RAD51C: variants seen among roughly 807,000 people sequenced by gnomAD.
RAD51C encodes the protein DNA repair protein RAD51 homolog 3.
RAD51C carries 42 observed loss-of-function variants against 45.0 expected under a neutral mutation model. That is an observed-to-expected ratio of 0.93 (90% CI 0.73 to 1.21). The LOEUF (loss-of-function observed/expected upper bound fraction) is 1.21, where lower values mean the gene tolerates loss of function less well. Ranked by LOEUF, RAD51C falls within the 50% of genes most tolerant of loss-of-function variation. RAD51C has a pLI of 0.00. For synonymous variants in RAD51C, 172 were observed against 159.8 expected (o/e 1.08, Z -0.58); for missense variants, 474 against 452.2 (o/e 1.05, Z -0.44).
chr17:58,695,910 T>TA, intron 2 of RAD51C, among the ~76,000 whole-genome samples: 1 of 148,848 alleles, frequency 6.7e-6, no homozygotes, highest in African/African-American at 2.5e-5. Flanking sequence ...CTACTAAAAA[T>TA]AAAAAAATTA....
chr17:58,699,920 G>T (rs1368097922), intron 3 of RAD51C: 1 of 152,084 alleles, frequency 6.6e-6, no homozygotes, highest in African/African-American at 2.4e-5. Context: ...CGCAATCTTG[G>T]CTTACTGCGA....
Position 58,692,806 on chromosome 17 carries a change from C to CT in RAD51C, c.145+18_145+19insT. On this transcript the variant is annotated intron_variant, in intron 1 of 8. Transcript: ENST00000337432. ...TAGCAAAGGTAACGACTCCTGATGG[C>CT]AAGCTGAGGCACACCGGCCGCCGTC... is the stretch of plus-strand genomic sequence containing the variant. The CT allele has an allele frequency of 1.2e-6, 2 of 1,614,120 alleles. No individual in the cohort carries two copies. Among genetic ancestry groups the CT allele is most frequent in the Non-Finnish European group, 1.7e-6 (2 of 1,180,002 alleles).
At chr17:58,711,748 A>G (rs962290481) in intron 5 of RAD51C, among the ~76,000 whole-genome samples, 2 of 152,058 alleles carry the variant, frequency 1.3e-5, no homozygotes, top group Admixed American at 1.3e-4. Flanking sequence ...CTAGGATTAC[A>G]TGCATAAGCC....
chr17:58,697,869 C>T (rs1442998138), intron 3 of RAD51C, among the ~76,000 whole-genome samples: 5 of 150,398 alleles, frequency 3.3e-5, no homozygotes, highest in Non-Finnish European at 7.4e-5. Flanking sequence ...TGTGCCACCA[C>T]GCCCAGTTAA....
At chr17:58,734,055 T>C in intron 8 of RAD51C, 63 bp from the exon 9 acceptor site, 1 of 1,553,310 alleles carries the variant, frequency 6.4e-7, no homozygotes, top group Non-Finnish European at 8.7e-7. Context: ...CTTAAAAATA[T>C]TTCTAAGATC....
intron 6 of RAD51C, among the ~76,000 whole-genome samples, chr17:58,722,365 C>A (rs528703939): frequency 6.6e-6 from 1 of 152,272 alleles, no homozygotes; most frequent in East Asian, 1.9e-4. Context: ...TAGAAGTGTT[C>A]TATGTCTGTG....
chr17:58,732,245 T>G (rs1208776059), intron 7 of RAD51C: 1 of 409,626 alleles, frequency 2.4e-6, no homozygotes, highest in African/African-American at 2.0e-5. Context: ...TAAAATAATT[T>G]ATTTGAATCA....
chr17:58,701,698 G>A (rs947804168), intron 3 of RAD51C, among the ~76,000 whole-genome samples: 3 of 151,230 alleles, frequency 2.0e-5, no homozygotes, highest in Non-Finnish European at 4.4e-5. Context: ...AGCCTCCCGA[G>A]TACCTGGGAT....
intron 6 of RAD51C, 100 bp downstream of exon 6, chr17:58,720,912 G>C (rs2048898443): frequency 1.0e-6 from 1 of 978,364 alleles, no homozygotes; most frequent in Admixed American, 1.9e-5. Context: ...AAAGCAGACT[G>C]TATTTGTCTT....
At chr17:58,692,871 G>A (rs533565734) in intron 1 of RAD51C, 83 bp downstream of exon 1, 1 of 1,598,628 alleles carries the variant, frequency 6.3e-7, no homozygotes, top group African/African-American at 1.3e-5. Context: ...TCGGCCTTCA[G>A]CCCAGTCTCC....
intron 4 of RAD51C, among the ~76,000 whole-genome samples, chr17:58,708,288 A>T (rs1345432672): frequency 4.0e-5 from 6 of 151,588 alleles, no homozygotes; most frequent in Non-Finnish European, 8.8e-5. Context: ...TCATTTTCTT[A>T]TAATTATCGG....
At chr17:58,699,911 G>T (rs1364158625) in intron 3 of RAD51C, 1 of 151,936 alleles carries the variant, frequency 6.6e-6, no homozygotes, top group Non-Finnish European at 1.5e-5. Context: ...GTGCAGTGGC[G>T]CAATCTTGGC....
At chr17:58,706,725 G>A (rs1337013732) in intron 4 of RAD51C, 1 of 216,144 alleles carries the variant, frequency 4.6e-6, no homozygotes, top group African/African-American at 2.3e-5. Flanking sequence ...TGGAATCAAG[G>A]AAGTCCAACA....
intron 7 of RAD51C, among the ~76,000 whole-genome samples, chr17:58,727,219 G>C (rs1333367760): frequency 6.6e-6 from 1 of 151,316 alleles, no homozygotes; most frequent in Non-Finnish European, 1.5e-5. Context: ...CCACTTCCTG[G>C]GGTCAAGTGA....
chr17:58,712,630 C>T (rs1368284482), intron 5 of RAD51C, among the ~76,000 whole-genome samples: 1 of 147,590 alleles, frequency 6.8e-6, no homozygotes, highest in Non-Finnish European at 1.5e-5. Context: ...ACCATCCTGG[C>T]TAACACGGTG....
At chr17:58,708,752 G>A (rs1046328054) in intron 4 of RAD51C, among the ~76,000 whole-genome samples, 1 of 151,632 alleles carries the variant, frequency 6.6e-6, no homozygotes, top group Non-Finnish European at 1.5e-5. Flanking sequence ...AGGCTGGAGT[G>A]CATGGCAGGG....
In RAD51C at chr17:58,695,205, C is replaced by G. The variant is rs376465837; in HGVS notation, c.404+16C>G. Reference sequence around the variant, plus strand: ...CACAATTATGGTAAAATAAAGTGTTCTCCTTTTAAGGGTGGGTTTAATAAC... The same window carrying G: ...CACAATTATGGTAAAATAAAGTGTTGTCCTTTTAAGGGTGGGTTTAATAAC... On this transcript the variant is annotated intron_variant, in intron 2 of 8. Coordinates refer to ENST00000337432, the MANE Select transcript of RAD51C (RefSeq NM_058216.3). 8 of 1,606,210 alleles carry G rather than the reference C, an allele frequency of 5.0e-6. No homozygotes were observed. Among genetic ancestry groups the G allele is most frequent in the African/African-American group, 1.3e-5 (1 of 74,794 alleles).
At chr17:58,711,040 A>C (rs2048540600) in intron 5 of RAD51C, among the ~76,000 whole-genome samples, 1 of 152,190 alleles carries the variant, frequency 6.6e-6, no homozygotes, top group Non-Finnish European at 1.5e-5. Flanking sequence ...TTTTTCTTTG[A>C]ATTTCCAATT....
At chr17:58,695,772 CAAA>C (rs111840652) in intron 2 of RAD51C, among the ~76,000 whole-genome samples, 5 of 132,914 alleles carry the variant, frequency 3.8e-5, no homozygotes, top group Middle Eastern at 4.7e-3. Flanking sequence ...GACCCTATCT[CAAA>C]AAAAAAAGAG....
Sources: allele counts gnomAD v4.1 joint callset (sites outside exome capture counted in the v4.1 genomes callset), GRCh38; gene constraint gnomAD v4.1.1; transcripts MANE v1.5; gene names NCBI Gene and HGNC (gene_info 2026-07-23, HGNC 2026-07-21).